The following GLRB variants were observed in gnomAD, a reference collection of about 807,000 sequenced individuals.
The protein encoded by GLRB is glycine receptor subunit beta.
A neutral mutation model predicts 54.2 loss-of-function variants in GLRB; 33 were observed. The observed-to-expected ratio is 0.61, with a 90% CI of 0.46 to 0.81. The LOEUF (loss-of-function observed/expected upper bound fraction) is 0.81, where lower values mean the gene tolerates loss of function less well. GLRB is among the 40% of genes least tolerant of loss of function. GLRB has a pLI of 0.00. For synonymous variants in GLRB, 209 were observed against 208.2 expected (o/e 1.00, Z -0.03); for missense variants, 572 against 584.6 (o/e 0.98, Z 0.22).
At chr4:157,087,570 C>T (rs1734457180) in intron 2 of GLRB, among the ~76,000 whole-genome samples, 1 of 152,002 alleles carries the variant, frequency 6.6e-6, no homozygotes, top group Admixed American at 6.6e-5. Flanking sequence ...CAATTTTTAA[C>T]CATTCAAGCC....
chr4:157,143,064 T>C (rs1314222293), intron 7 of GLRB, among the ~76,000 whole-genome samples: 1 of 152,272 alleles, frequency 6.6e-6, no homozygotes, highest in South Asian at 2.1e-4. Flanking sequence ...GGGGGACTAG[T>C]TGATGTCATG....
Position 157,122,593 on chromosome 4 carries a change from A to G in GLRB, c.297+196A>G, listed in dbSNP as rs570350508. The stretch of plus-strand genomic sequence containing the variant: ...AATTTTGCAATTCACATTTAGCTTT[A>G]ATATTGCGTTAAAACTTACAGACTT... On this transcript the variant is annotated intron_variant, in intron 4 of 9. Transcript: ENST00000264428. Among the ~76,000 whole-genome samples, 46 of 151,860 alleles carry G rather than the reference A, an allele frequency of 3.0e-4. 1 individual carries two copies. Among genetic ancestry groups the G allele is most frequent in the Middle Eastern group, 3.4e-3 (1 of 294 alleles).
chr4:157,078,152 T>C lies in GLRB; in HGVS notation c.122+6T>C. ...AAGCAGTATCTATGCCCATCGTATG[T>C]TCTTCATGTCTTATATTCTTATATG... On this transcript the variant is annotated splice_donor_region_variant and intron_variant, in intron 2 of 9. Coordinates refer to ENST00000264428, the MANE Select transcript of GLRB (RefSeq NM_000824.5). 6.2e-7 allele frequency: 1 copy of C among 1,612,364 alleles called. No individual in the cohort carries two copies. Among genetic ancestry groups the C allele is most frequent in the East Asian group, 2.2e-5 (1 of 44,700 alleles).
intron 9 of GLRB, among the ~76,000 whole-genome samples, chr4:157,166,452 G>T (rs1189259550): frequency 6.6e-6 from 1 of 151,972 alleles, no homozygotes; most frequent in Non-Finnish European, 1.5e-5. Flanking sequence ...AGGTGTAACA[G>T]AAAATTTTCT....
At chr4:157,142,481 G>A (rs1200767283) in intron 7 of GLRB, among the ~76,000 whole-genome samples, 2 of 152,050 alleles carry the variant, frequency 1.3e-5, no homozygotes, top group Non-Finnish European at 2.9e-5. Flanking sequence ...ATCACATTGG[G>A]AAAAGGAAAG....
intron 2 of GLRB, among the ~76,000 whole-genome samples, chr4:157,101,803 T>TG (rs1320725694): frequency 1.3e-5 from 2 of 151,338 alleles, no homozygotes; most frequent in African/African-American, 2.4e-5. Context: ...ACTTGTTTTT[T>TG]TTTTTTTTTT....
rs1223369497 is a variant in GLRB, at chr4:157,171,869, A to C, written c.*1141A>C. ...GATTTACTTACTTTGAACTTGTTCC[A>C]ATCCAAAAGTAAGCACTAAGTCTCA... is the stretch of plus-strand genomic sequence containing the variant. On this transcript the variant is annotated 3_prime_UTR_variant, in exon 10 of 10. Coordinates refer to ENST00000264428, the MANE Select transcript of GLRB (RefSeq NM_000824.5). 1 of 151,838 alleles carries C rather than the reference A, an allele frequency of 6.6e-6. No individual in the cohort carries two copies. The highest frequency in any genetic ancestry group is 1.9e-4 in the East Asian group (1 of 5,198). 9.4% of individuals were successfully genotyped at this position (151,838 alleles called of 1,614,324 possible). A position where few individuals can be genotyped will look rare whatever the true frequency, so the allele number is the denominator to read the frequency against.
intron 2 of GLRB, among the ~76,000 whole-genome samples, chr4:157,115,492 A>G (rs1471475646): frequency 2.0e-5 from 3 of 151,676 alleles, no homozygotes; most frequent in East Asian, 1.9e-4. Flanking sequence ...ACCTCCACCA[A>G]CAATAATACC....
intron 4 of GLRB, among the ~76,000 whole-genome samples, chr4:157,132,336 G>T (rs945771784): frequency 4.0e-5 from 6 of 151,594 alleles, no homozygotes; most frequent in African/African-American, 1.5e-4. Context: ...ACTGTCTCTT[G>T]CTTGACCCCT....
At chr4:157,088,214 A>C (rs913982523) in intron 2 of GLRB, among the ~76,000 whole-genome samples, 1 of 152,088 alleles carries the variant, frequency 6.6e-6, no homozygotes, top group African/African-American at 2.4e-5. Flanking sequence ...CCTAATACAA[A>C]AGGCTTACCT....
intron 7 of GLRB, among the ~76,000 whole-genome samples, chr4:157,143,341 C>T (rs1052449687): frequency 1.3e-5 from 2 of 151,752 alleles, no homozygotes; most frequent in African/African-American, 4.8e-5. Context: ...ATACTGCCAT[C>T]CATCCTAGAT....
chr4:157,110,047 C>A (rs756976961), intron 2 of GLRB, among the ~76,000 whole-genome samples: 28 of 151,918 alleles, frequency 1.8e-4, no homozygotes, highest in Non-Finnish European at 4.0e-4. Flanking sequence ...ATCAACTCAA[C>A]CTTCAACCTT....
chr4:157,135,678 T>C (rs1479376716), intron 4 of GLRB, among the ~76,000 whole-genome samples: 1 of 152,170 alleles, frequency 6.6e-6, no homozygotes, highest in Non-Finnish European at 1.5e-5. Flanking sequence ...CTTAGGTATG[T>C]CTTTATTGGC....
chr4:157,119,117 C>T (rs1735710089), intron 2 of GLRB, among the ~76,000 whole-genome samples: 1 of 151,536 alleles, frequency 6.6e-6, no homozygotes, highest in Non-Finnish European at 1.5e-5. Context: ...ATTAAAATAG[C>T]AAAACAATGC....
rs117607424 is a variant in GLRB, at chr4:157,089,319, A to G, written c.122+11173A>G. 6.6e-4 allele frequency among the ~76,000 whole-genome samples: 100 copies of G among 152,286 alleles called. 1 individual carries two copies. In the East Asian group the frequency reaches 0.017, roughly 26 times the overall value. On this transcript the variant is annotated intron_variant, in intron 2 of 9. Transcript: ENST00000264428. ...GAGGCTGAGGTGGGAGAATCACCTG[A>G]GTCCAGGAGGACAAGGTTGCAGTGA... is the stretch of plus-strand genomic sequence containing the variant.
At chr4:157,144,362 T>G (rs1298802174) in intron 8 of GLRB, among the ~76,000 whole-genome samples, 2 of 152,218 alleles carry the variant, frequency 1.3e-5, no homozygotes, top group African/African-American at 4.8e-5. Context: ...TAATTTACTT[T>G]TTAAAAATTA....
chr4:157,083,685 GTTTA>G (rs1734306185), intron 2 of GLRB, among the ~76,000 whole-genome samples: 1 of 152,018 alleles, frequency 6.6e-6, no homozygotes, highest in African/African-American at 2.4e-5. Flanking sequence ...ATCTTGATCT[GTTTA>G]TTTAAGTATG....
intron 2 of GLRB, among the ~76,000 whole-genome samples, chr4:157,098,408 T>C (rs956387145): frequency 5.3e-5 from 8 of 152,132 alleles, no homozygotes; most frequent in African/African-American, 1.9e-4. Flanking sequence ...TCTATTAGCC[T>C]CTCCAAGGTC....
At chr4:157,136,359 C>CA in intron 4 of GLRB, 110 bp from the exon 5 acceptor site, 1 of 705,268 alleles carries the variant, frequency 1.4e-6, no homozygotes, top group Non-Finnish European at 2.6e-6. Context: ...GTTGGAAGAA[C>CA]AAAAATATTT....
Sources: gnomAD v4.1 joint callset for allele counts (sites outside exome capture counted in the v4.1 genomes callset) on GRCh38, gnomAD v4.1.1 for gene constraint, MANE v1.5 for transcripts, NCBI Gene and HGNC (gene_info 2026-07-23, HGNC 2026-07-21) for gene names.